Variants in MYO5C observed in about 807,000 individuals in gnomAD.
MYO5C encodes the protein unconventional myosin-Vc.
MYO5C carries 194 observed loss-of-function variants against 235.7 expected under a neutral mutation model. The observed-to-expected ratio is 0.82, with a 90% confidence interval of 0.73 to 0.93. MYO5C has a LOEUF of 0.93. Among genes scored for constraint, MYO5C ranks in the 40% least tolerant of loss-of-function variants. The pLI, the probability that MYO5C is intolerant of heterozygous loss-of-function variation, is 0.00. For missense variants in MYO5C, 2,038 were observed against 2,127.2 expected (o/e 0.96, Z 0.82); for synonymous variants, 707 against 754.8 (o/e 0.94, Z 1.04).
chr15:52,220,860 G>C (rs905518690), intron 30 of MYO5C, among the ~76,000 whole-genome samples: 5 of 151,806 alleles, frequency 3.3e-5, no homozygotes, highest in African/African-American at 1.2e-4. Context: ...GTAGAGATGA[G>C]GTTTCATCAT....
chr15:52,238,718 T>C (rs945559976), intron 21 of MYO5C, among the ~76,000 whole-genome samples: 1 of 152,114 alleles, frequency 6.6e-6, no homozygotes, highest in African/African-American at 2.4e-5. Flanking sequence ...CTCGGCTCAC[T>C]GCAAGCTCCG....
intron 18 of MYO5C, among the ~76,000 whole-genome samples, chr15:52,244,963 A>T (rs542068039): frequency 8.7e-4 from 132 of 152,294 alleles, no homozygotes; most frequent in African/African-American, 3.1e-3. Flanking sequence ...ATAACTCCCC[A>T]TCTCTTTCCC....
At chr15:52,222,637 A>ACACAC in intron 29 of MYO5C, among the ~76,000 whole-genome samples, 1 of 151,802 alleles carries the variant, frequency 6.6e-6, no homozygotes, top group African/African-American at 2.4e-5. Context: ...GGTGGTGGGC[A>ACACAC]GTGAATGGGA....
chr15:52,274,002 G>C (rs1044801008), intron 5 of MYO5C, among the ~76,000 whole-genome samples: 1 of 151,968 alleles, frequency 6.6e-6, no homozygotes, highest in Admixed American at 6.6e-5. Flanking sequence ...CACACTCTCT[G>C]GGCAGGATTT....
Position 52,221,188 on chromosome 15 carries a change from A to C in MYO5C, c.3695T>G (p.Leu1232Arg). Residue 1232 changes from leucine to arginine, a missense_variant, in exon 30 of 41, where the codon CTG (leucine) becomes CGG (arginine). Transcript: ENST00000261839. ...EKQKQDLEIR[L>R]NEQAEKMKGK... ...TTTCATTTTCTCAGCTTGTTCATTC[A>C]GGCGGATTTCAAGATCTTGCTTCTG... 2 of 1,612,994 alleles carry C rather than the reference A, an allele frequency of 1.2e-6. No individual in the cohort carries two copies. Among genetic ancestry groups the C allele is most frequent in the Non-Finnish European group, 1.7e-6 (2 of 1,179,454 alleles).
At chr15:52,286,981 A>T (rs1596236376) in intron 1 of MYO5C, among the ~76,000 whole-genome samples, 1 of 149,184 alleles carries the variant, frequency 6.7e-6, no homozygotes, top group Admixed American at 6.7e-5. Flanking sequence ...AAAAACTAAC[A>T]AACAAACAAA....
intron 1 of MYO5C, among the ~76,000 whole-genome samples, chr15:52,293,403 G>A (rs1015250235): frequency 6.6e-6 from 1 of 152,166 alleles, no homozygotes; most frequent in African/African-American, 2.4e-5. Flanking sequence ...CCTCTGGGCA[G>A]AAGACCCTCG....
In MYO5C at chr15:52,248,135, A is replaced by ATTTTG. The variant is rs547866499; in HGVS notation, c.1747-548_1747-544dup. Among the ~76,000 whole-genome samples the ATTTTG allele has an allele frequency of 1.9e-3, 285 of 152,048 alleles. 1 individual carries two copies. In the South Asian group the frequency reaches 0.021, roughly 11 times the overall value. ...TATCTTCTCTCAGAGTGAATTTCAT[A>ATTTTG]TTTTGTTTTGTTTTGTTTTGTTTTG... On this transcript the variant is annotated intron_variant, in intron 14 of 40. Coordinates refer to ENST00000261839, the MANE Select transcript of MYO5C (RefSeq NM_018728.4).
intron 1 of MYO5C, 79 bp from the exon 2 acceptor site, chr15:52,282,971 T>G: frequency 1.1e-6 from 1 of 921,764 alleles, no homozygotes; most frequent in Non-Finnish European, 1.8e-6. Context: ...ACAGGAAGGT[T>G]TCTTTCTGTG....
intron 31 of MYO5C, 72 bp downstream of exon 31, chr15:52,219,687 T>C (rs2035633716): frequency 8.3e-7 from 1 of 1,211,084 alleles, no homozygotes; most frequent in Non-Finnish European, 1.2e-6. Context: ...GTAACACATC[T>C]TGGTATATTC....
At chr15:52,207,428 C>T (rs1249300958) in intron 36 of MYO5C, among the ~76,000 whole-genome samples, 1 of 152,150 alleles carries the variant, frequency 6.6e-6, no homozygotes, top group Non-Finnish European at 1.5e-5. Context: ...TTTACTTCTC[C>T]TTTTGTTCTA....
intron 4 of MYO5C, among the ~76,000 whole-genome samples, chr15:52,277,596 T>G (rs776683936): frequency 3.3e-5 from 5 of 152,154 alleles, no homozygotes; most frequent in Non-Finnish European, 5.9e-5. Flanking sequence ...CCTGACGAGC[T>G]GTTAGAAGTG....
chr15:52,287,405 T>C (rs1192036898), intron 1 of MYO5C, among the ~76,000 whole-genome samples: 1 of 152,210 alleles, frequency 6.6e-6, no homozygotes, highest in African/African-American at 2.4e-5. Flanking sequence ...ATTACTAACG[T>C]CATGAAGCTT....
chr15:52,225,581 G>T, intron 25 of MYO5C, 49 bp from the exon 26 acceptor site: 1 of 1,271,806 alleles, frequency 7.9e-7, no homozygotes, highest in Non-Finnish European at 1.1e-6. Context: ...CAACGATTAT[G>T]CTTTATATAA....
At chr15:52,237,459 C>T (rs1398336369) in intron 22 of MYO5C, 23 bp downstream of exon 22, 72 of 1,607,070 alleles carry the variant, frequency 4.5e-5, no homozygotes, top group Non-Finnish European at 5.9e-5. Context: ...ATTTCCATCC[C>T]GTCTCACACG....
chr15:52,248,593 C>T (rs894093980), intron 14 of MYO5C, 107 bp downstream of exon 14: 10 of 797,026 alleles, frequency 1.3e-5, no homozygotes, highest in Admixed American at 1.1e-4. Context: ...AGTTCACACA[C>T]ACACACACAC....
intron 7 of MYO5C, among the ~76,000 whole-genome samples, chr15:52,271,450 AACTCCTG>A (rs2036923565): frequency 6.6e-6 from 1 of 152,100 alleles, no homozygotes; most frequent in Non-Finnish European, 1.5e-5. Context: ...GCTGGTCTCT[AACTCCTG>A]ACCTCAGGTG....
At chr15:52,209,583 G>A (rs918994014) in intron 35 of MYO5C, among the ~76,000 whole-genome samples, 7 of 152,176 alleles carry the variant, frequency 4.6e-5, no homozygotes, top group Non-Finnish European at 1.0e-4. Context: ...TGGTGAGAAA[G>A]GGGTCTTATA....
rs57001210 is a variant in MYO5C, at chr15:52,201,919, T to TA, written c.4820+2945dup. On this transcript the variant is annotated intron_variant, in intron 38 of 40. Transcript: ENST00000261839. ...AGAAAAAAGATCAAAGGGATAATAC[T>TA]AAAAAAAAAAAAAAAAATAGATAAT... Among the ~76,000 whole-genome samples, 141 of 125,972 alleles carry TA rather than the reference T, an allele frequency of 1.1e-3. 1 individual carries two copies. The highest frequency in any genetic ancestry group is 3.9e-3 in the African/African-American group (135 of 34,430). 82.6% of individuals were successfully genotyped at this position (125,972 alleles called of 152,430 possible).
Sources: gnomAD v4.1 joint callset for allele counts (sites outside exome capture counted in the v4.1 genomes callset) on GRCh38, gnomAD v4.1.1 for gene constraint, MANE v1.5 for transcripts, NCBI Gene and HGNC (gene_info 2026-07-23, HGNC 2026-07-21) for gene names.